STS: variants seen among roughly 807,000 people sequenced by gnomAD.
The protein encoded by STS is steryl-sulfatase.
In STS, 7 loss-of-function variants were observed where a neutral mutation model predicts 26.8. The ratio of observed to expected loss-of-function variants is 0.26; its 90% confidence interval spans 0.15 to 0.49. The LOEUF (loss-of-function observed/expected upper bound fraction) is 0.49. Ranked by LOEUF, STS falls within the 20% of genes least tolerant of loss-of-function variation. The pLI, the probability that STS is intolerant of heterozygous loss-of-function variation, is 0.98. For synonymous variants in STS, 199 were observed against 189.4 expected (o/e 1.05, Z -0.42); for missense variants, 434 against 465.6 (o/e 0.93, Z 0.63).
At position 7,328,952 on chromosome X, in the gene STS, T is replaced by C. The variant is rs745587388; in HGVS notation, c.1241+3454T>C. On this transcript the variant is annotated intron_variant, in intron 9 of 10. Transcript: ENST00000674429. Reference sequence around the variant, plus strand: ...CTCAGGTGATCCACCCACCTCGGCCTCCCAGAGTGTTGGGATTACAGGCAT... The same window carrying C: ...CTCAGGTGATCCACCCACCTCGGCCCCCCAGAGTGTTGGGATTACAGGCAT... Among the ~76,000 whole-genome samples the C allele has an allele frequency of 2.6e-3, 286 of 111,553 alleles. 4 individuals carry two copies. Among genetic ancestry groups the C allele is most frequent in the African/African-American group, 8.8e-3 (269 of 30,683 alleles).
In STS at chrX:7,351,200, T is replaced by C. The variant is rs1928782588; in HGVS notation, c.*939T>C. ...CTGTGGTTCATGGAATCTCTTCCAG[T>C]GTAATTCAGAATCATTGGCCTAGAA... On this transcript the variant is annotated 3_prime_UTR_variant, in exon 11 of 11. Transcript: ENST00000674429. 1 of 112,150 alleles carries C rather than the reference T, an allele frequency of 8.9e-6. No individual in the cohort carries two copies. The highest frequency in any genetic ancestry group is 3.2e-5 in the African/African-American group (1 of 30,838). 9.2% of individuals were successfully genotyped at this position (112,150 alleles called of 1,213,427 possible).
At chrX:7,325,292 G>T in intron 8 of STS, 47 bp from the exon 9 acceptor site, 1 of 1,190,035 alleles carries the variant, frequency 8.4e-7, no homozygotes, top group Non-Finnish European at 1.1e-6. Context: ...AGCATTGAAA[G>T]GATTGAAATC....
chrX:7,338,160 A>G lies in STS; in HGVS notation c.1363+4053A>G, dbSNP rs771288964. 1.8e-4 allele frequency among the ~76,000 whole-genome samples: 20 copies of G among 111,934 alleles called. No individual in the cohort carries two copies. The South Asian group carries it at 7.0e-3, about 39-fold the overall frequency. ...ATTTTGAGTTAAAATTTAACATTCA[A>G]TGGGTATGAAAAATTTTGGCTTTAA... On this transcript the variant is annotated intron_variant, in intron 10 of 10. Transcript: ENST00000674429.
In STS at chrX:7,263,315, C is replaced by T. The variant is rs559093309; in HGVS notation, c.806+3543C>T. ...AACTCCTGACCTCAAATGATCCACC[C>T]GCCTCGGCCTCTCGAAGTACTGGGA... On this transcript the variant is annotated intron_variant, in intron 6 of 10. Coordinates refer to ENST00000674429, the MANE Select transcript of STS (RefSeq NM_001320752.2). Among the ~76,000 whole-genome samples the T allele has an allele frequency of 1.5e-4, 17 of 112,374 alleles. 1 individual carries two copies. The highest frequency in any genetic ancestry group is 1.5e-3 in the South Asian group (4 of 2,703).
At chrX:7,172,153 A>G (rs2066544187) in intron 1 of STS, among the ~76,000 whole-genome samples, 1 of 111,594 alleles carries the variant, frequency 9.0e-6, no homozygotes, top group Admixed American at 9.6e-5. Context: ...AACACAGGTC[A>G]TGTGAATTTT....
At chrX:7,281,680 C>T (rs1427041069) in intron 7 of STS, among the ~76,000 whole-genome samples, 1 of 112,019 alleles carries the variant, frequency 8.9e-6, no homozygotes, top group Non-Finnish European at 1.9e-5. Flanking sequence ...TCAAGAAACA[C>T]AAGAAAACTC....
chrX:7,308,721 A>G (rs1441317178), intron 8 of STS, among the ~76,000 whole-genome samples: 1 of 112,239 alleles, frequency 8.9e-6, no homozygotes, highest in East Asian at 2.8e-4. Flanking sequence ...TCTATTGCAA[A>G]GTATTATCCT....
At chrX:7,266,219 C>T (rs189740152) in intron 6 of STS, among the ~76,000 whole-genome samples, 32 of 111,627 alleles carry the variant, frequency 2.9e-4, no homozygotes, top group Non-Finnish European at 2.1e-4. Flanking sequence ...GTTCATCTGT[C>T]AAAGGTGGTG....
intron 2 of STS, among the ~76,000 whole-genome samples, chrX:7,247,332 G>C (rs190443342): frequency 8.0e-5 from 9 of 111,931 alleles, no homozygotes; most frequent in Non-Finnish European, 1.5e-4. Flanking sequence ...GAATTGAGTG[G>C]ATCAGGAGAG....
At chrX:7,287,546 C>T (rs1488969167) in intron 7 of STS, among the ~76,000 whole-genome samples, 3 of 111,229 alleles carry the variant, frequency 2.7e-5, no homozygotes, top group East Asian at 2.8e-4. Context: ...TCTTTTCGCT[C>T]AACTATCTAT....
intron 1 of STS, among the ~76,000 whole-genome samples, chrX:7,177,767 C>T (rs758529788): frequency 4.5e-5 from 5 of 110,666 alleles, no homozygotes; most frequent in East Asian, 5.7e-4. Flanking sequence ...CACCCCACCT[C>T]GGCAAAGTGC....
rs1009630355 is a variant in STS at position 7,352,530 on chromosome X, G to A, written c.*2269G>A. On this transcript the variant is annotated 3_prime_UTR_variant, in exon 11 of 11. Transcript: ENST00000674429. ...ACCATCTGAAAGTTTTGATTTGAAT[G>A]TAAAACAGGAAATTGGAATTCCTTT... The A allele has an allele frequency of 5.4e-5, 6 of 111,962 alleles. No individual in the cohort carries two copies. Among genetic ancestry groups the A allele is most frequent in the African/African-American group, 1.9e-4 (6 of 30,836 alleles). The allele number at this position is 111,962 out of a possible 1,213,427, so 9.2% of individuals were successfully genotyped here.
At chrX:7,346,326 A>G (rs1369530638) in intron 10 of STS, among the ~76,000 whole-genome samples, 1 of 111,466 alleles carries the variant, frequency 9.0e-6, no homozygotes, top group East Asian at 2.8e-4. Flanking sequence ...CAGTGACATA[A>G]CAGTGCTATA....
intron 9 of STS, among the ~76,000 whole-genome samples, chrX:7,326,309 A>G (rs947014322): frequency 1.7e-4 from 19 of 112,059 alleles, no homozygotes; most frequent in Admixed American, 6.6e-4. Context: ...ACTCAGAGGC[A>G]CTGAAGGTTT....
intron 9 of STS, among the ~76,000 whole-genome samples, chrX:7,326,405 C>G (rs1467493706): frequency 9.0e-6 from 1 of 111,436 alleles, no homozygotes; most frequent in Admixed American, 9.5e-5. Flanking sequence ...TCTGTTCACC[C>G]CACCGTAGCT....
At chrX:7,289,090 G>T (rs1178742021) in intron 7 of STS, among the ~76,000 whole-genome samples, 4 of 111,915 alleles carry the variant, frequency 3.6e-5, no homozygotes, top group African/African-American at 1.3e-4. Context: ...AGCCAAATGA[G>T]TTAGGACCAC....
At chrX:7,243,761 G>C (rs1156593589) in intron 2 of STS, among the ~76,000 whole-genome samples, 3 of 111,474 alleles carry the variant, frequency 2.7e-5, no homozygotes, top group African/African-American at 9.8e-5. Context: ...AGGGGAGAGA[G>C]AGAGAATTTT....
chrX:7,282,524 T>C (rs1924920473), intron 7 of STS, among the ~76,000 whole-genome samples: 1 of 112,067 alleles, frequency 8.9e-6, no homozygotes, highest in Admixed American at 9.5e-5. Flanking sequence ...TTAAGATCTT[T>C]AAAGTGTAGG....
intron 8 of STS, among the ~76,000 whole-genome samples, chrX:7,311,288 T>A (rs1926464501): frequency 9.0e-6 from 1 of 110,722 alleles, no homozygotes; most frequent in African/African-American, 3.3e-5. Context: ...AAACATAGTG[T>A]CAATGTACTC....
Sources: allele counts gnomAD v4.1 joint callset (sites outside exome capture counted in the v4.1 genomes callset), GRCh38; gene constraint gnomAD v4.1.1; transcripts MANE v1.5; gene names NCBI Gene and HGNC (gene_info 2026-07-23, HGNC 2026-07-21).